The following CNTN5 variants were observed in gnomAD, a reference collection of about 807,000 sequenced individuals.
CNTN5 encodes the protein contactin-5.
Under a neutral mutation model 129.1 loss-of-function variants are expected in CNTN5, and 77 were observed. The observed-to-expected ratio is 0.60, with a 90% CI of 0.50 to 0.72. The LOEUF (loss-of-function observed/expected upper bound fraction) is 0.72, where lower values mean the gene tolerates loss of function less well. Ranked by LOEUF, CNTN5 falls within the 30% of genes least tolerant of loss-of-function variation. The probability of loss-of-function intolerance (pLI) is 0.00; values close to 1 mark genes in which losing one functional copy is unlikely to be tolerated. For missense variants in CNTN5, 1,478 were observed against 1,328.8 expected (o/e 1.11, Z -1.75); for synonymous variants, 509 against 465.6 (o/e 1.09, Z -1.20).
chr11:99,718,625 A>G (rs1184099125), intron 3 of CNTN5, among the ~76,000 whole-genome samples: 1 of 152,162 alleles, frequency 6.6e-6, no homozygotes, highest in Non-Finnish European at 1.5e-5. Context: ...ACACATCTAA[A>G]TTGGTCAGAA....
At chr11:99,330,948 G>GCA (rs747874895) in intron 2 of CNTN5, among the ~76,000 whole-genome samples, 2 of 151,282 alleles carry the variant, frequency 1.3e-5, no homozygotes, top group East Asian at 1.9e-4. Flanking sequence ...ACACACATGT[G>GCA]CACACACACA....
intron 16 of CNTN5, among the ~76,000 whole-genome samples, chr11:100,245,620 C>T (rs1949825572): frequency 6.6e-6 from 1 of 152,072 alleles, no homozygotes; most frequent in Non-Finnish European, 1.5e-5. Context: ...AAAGCTACCT[C>T]GAAATTCATT....
intron 18 of CNTN5, among the ~76,000 whole-genome samples, chr11:100,282,113 C>G (rs1329635839): frequency 6.6e-6 from 1 of 150,878 alleles, no homozygotes; most frequent in East Asian, 1.9e-4. Flanking sequence ...GGTTCATTTG[C>G]TGAAGTCGTG....
chr11:99,244,754 T>C (rs972101157), intron 1 of CNTN5, among the ~76,000 whole-genome samples: 8 of 152,182 alleles, frequency 5.3e-5, no homozygotes, highest in Non-Finnish European at 7.3e-5. Flanking sequence ...CAAAAAGTAC[T>C]CTTAAGTGAT....
chr11:99,212,195 C>T (rs12793987), intron 1 of CNTN5, among the ~76,000 whole-genome samples: 21,488 of 152,068 alleles, frequency 0.14, 1,983 homozygotes, highest in Non-Finnish European at 0.21. Context: ...GGGAATCAAG[C>T]GAGGAAGATA....
In CNTN5 at chr11:99,051,981, G is replaced by C. The variant is rs150333877; in HGVS notation, c.-210+30711G>C. Among the ~76,000 whole-genome samples, 376 of 151,918 alleles carry C rather than the reference G, an allele frequency of 2.5e-3. 1 individual carries two copies. The highest frequency in any genetic ancestry group is 8.7e-3 in the African/African-American group (361 of 41,526). ...CTTAAAGGATGAATTACATTTTAATGTTGAAGATTAAAGAAAGTGTAGTTC... is the reference window on the plus strand; with the variant it reads ...CTTAAAGGATGAATTACATTTTAATCTTGAAGATTAAAGAAAGTGTAGTTC... On this transcript the variant is annotated intron_variant, in intron 1 of 24. Coordinates refer to ENST00000524871, the MANE Select transcript of CNTN5 (RefSeq NM_014361.4).
At chr11:99,830,112 A>C (rs1214373538) in intron 4 of CNTN5, among the ~76,000 whole-genome samples, 6 of 152,146 alleles carry the variant, frequency 3.9e-5, no homozygotes, top group Admixed American at 2.0e-4. Context: ...TAGATAGGTC[A>C]AACTTTTTTC....
At chr11:99,064,830 AG>A (rs1371967239) in intron 1 of CNTN5, among the ~76,000 whole-genome samples, 2 of 152,050 alleles carry the variant, frequency 1.3e-5, no homozygotes, top group Middle Eastern at 3.2e-3. Flanking sequence ...GTACTTTGGA[AG>A]GGGATAGTAT....
At chr11:99,257,424 C>T (rs991251004) in intron 1 of CNTN5, among the ~76,000 whole-genome samples, 1 of 151,940 alleles carries the variant, frequency 6.6e-6, no homozygotes, top group African/African-American at 2.4e-5. Flanking sequence ...GTCAAACTAT[C>T]CATCTTTACT....
intron 7 of CNTN5, among the ~76,000 whole-genome samples, chr11:99,916,852 AAG>A (rs1396223306): frequency 1.3e-5 from 2 of 152,212 alleles, no homozygotes; most frequent in South Asian, 2.1e-4. Context: ...GCATCAGTTA[AAG>A]AGAGAGAGAA....
chr11:100,344,330 A>T (rs1014904928), intron 23 of CNTN5, among the ~76,000 whole-genome samples: 2 of 152,202 alleles, frequency 1.3e-5, no homozygotes, highest in Non-Finnish European at 2.9e-5. Context: ...AATGCAGAGG[A>T]AAAAGTAGAT....
At chr11:100,339,939 T>G (rs918685316) in intron 21 of CNTN5, among the ~76,000 whole-genome samples, 20 of 152,128 alleles carry the variant, frequency 1.3e-4, no homozygotes, top group Admixed American at 5.2e-4. Flanking sequence ...TACCCCCAGA[T>G]CCTGACAATG....
At chr11:99,515,457 C>T (rs1162193881) in intron 2 of CNTN5, among the ~76,000 whole-genome samples, 1 of 152,018 alleles carries the variant, frequency 6.6e-6, no homozygotes, top group Non-Finnish European at 1.5e-5. Flanking sequence ...ATAGAACAAA[C>T]TGACAAAGAT....
At chr11:100,028,177 T>A (rs2137598026) in intron 9 of CNTN5, among the ~76,000 whole-genome samples, 2 of 152,288 alleles carry the variant, frequency 1.3e-5, no homozygotes, top group South Asian at 4.1e-4. Context: ...AGTAAAGTAC[T>A]AATTTAACCT....
At chr11:99,140,899 A>AT (rs71046669) in intron 1 of CNTN5, among the ~76,000 whole-genome samples, 129,523 of 149,780 alleles carry the variant, frequency 0.86, 56,101 homozygotes, top group East Asian at 0.99. Flanking sequence ...ATTTTCTAGT[A>AT]TTTTTTTTTT....
intron 3 of CNTN5, among the ~76,000 whole-genome samples, chr11:99,618,610 G>A (rs1950832896): frequency 6.6e-6 from 1 of 152,134 alleles, no homozygotes; most frequent in Non-Finnish European, 1.5e-5. Flanking sequence ...TTCAATCATA[G>A]TGATTTACTG....
At chr11:100,172,866 G>A (rs1044781189) in intron 13 of CNTN5, among the ~76,000 whole-genome samples, 5 of 152,074 alleles carry the variant, frequency 3.3e-5, no homozygotes, top group Admixed American at 6.6e-5. Flanking sequence ...GCAGTGGGGA[G>A]CATTAAGTCA....
chr11:100,135,294 G>A (rs1946489486), intron 13 of CNTN5, among the ~76,000 whole-genome samples: 1 of 150,116 alleles, frequency 6.7e-6, no homozygotes, highest in Non-Finnish European at 1.5e-5. Flanking sequence ...TCCTGCCTCA[G>A]CCTCCCAAGT....
At chr11:100,340,920 A>G (rs1411896254) in intron 22 of CNTN5, among the ~76,000 whole-genome samples, 173 bp from the exon 23 acceptor site, 1 of 152,222 alleles carries the variant, frequency 6.6e-6, no homozygotes, top group African/African-American at 2.4e-5. Context: ...CAGAGTAGCT[A>G]TTAAAATGAC....
Sources: gnomAD v4.1 joint callset for allele counts (sites outside exome capture counted in the v4.1 genomes callset) on GRCh38, gnomAD v4.1.1 for gene constraint, MANE v1.5 for transcripts, NCBI Gene and HGNC (gene_info 2026-07-23, HGNC 2026-07-21) for gene names.